SLC71A1: variants seen among roughly 807,000 people sequenced by gnomAD.
SLC71A1 encodes the protein solute carrier family 71 member 1.
At chr1:100,069,811 GA>G in the SLC71A1 span, 3 of 685,146 alleles carry the variant, frequency 4.4e-6, no homozygotes, top group South Asian at 5.1e-5. Flanking sequence ...GATAGGTTCA[GA>G]AATTCAATTT....
chr1:100,065,484 CCCCCT>C, the SLC71A1 span, among the ~76,000 whole-genome samples: 18 of 140,892 alleles, frequency 1.3e-4, no homozygotes, highest in Admixed American at 6.5e-4. Context: ...CCCTTCTCTT[CCCCCT>C]CCCCTCCCCT....
At chr1:100,051,850 G>A in the SLC71A1 span, among the ~76,000 whole-genome samples, 1 of 152,044 alleles carries the variant, frequency 6.6e-6, no homozygotes, top group Non-Finnish European at 1.5e-5. Flanking sequence ...ATTCAAAGTG[G>A]ACTATGTTAA....
the SLC71A1 span, among the ~76,000 whole-genome samples, chr1:100,060,965 G>T: frequency 1.2e-4 from 18 of 152,220 alleles, no homozygotes; most frequent in Non-Finnish European, 2.1e-4. Context: ...TATGGGGCAG[G>T]ATCTTCTTCT....
the SLC71A1 span, among the ~76,000 whole-genome samples, chr1:100,073,040 C>G: frequency 1.3e-5 from 2 of 152,242 alleles, no homozygotes; most frequent in South Asian, 4.2e-4. Flanking sequence ...TGCTCCTCAT[C>G]TCATTCAGTG....
At chr1:100,040,280 C>T in the SLC71A1 span, among the ~76,000 whole-genome samples, 65 of 151,856 alleles carry the variant, frequency 4.3e-4, 1 homozygote, top group Admixed American at 1.6e-3. Flanking sequence ...TATTCTTATA[C>T]GTAATCAGAG....
the SLC71A1 span, among the ~76,000 whole-genome samples, chr1:100,040,200 T>G: frequency 1.3e-5 from 2 of 152,206 alleles, no homozygotes; most frequent in Non-Finnish European, 2.9e-5. Flanking sequence ...GTATGTGAAT[T>G]TTAAAGTGAT....
chr1:100,069,646 G>A, the SLC71A1 span: 45 of 1,612,470 alleles, frequency 2.8e-5, no homozygotes, highest in African/African-American at 2.9e-4. Context: ...GTGTTGCAGC[G>A]TTTATAGCAG....
At chr1:100,038,335 C>T in the SLC71A1 span, 9 of 1,550,668 alleles carry the variant, frequency 5.8e-6, no homozygotes, top group Middle Eastern at 1.7e-4. Context: ...AGTTCCGCGC[C>T]GGCGAGCGTC....
chr1:100,060,425 C>G, the SLC71A1 span, among the ~76,000 whole-genome samples: 1 of 152,280 alleles, frequency 6.6e-6, no homozygotes, highest in Non-Finnish European at 1.5e-5. Flanking sequence ...TCAAATTTCT[C>G]TTTTCATGTG....
the SLC71A1 span, chr1:100,050,039 C>T: frequency 1.8e-6 from 2 of 1,081,708 alleles, no homozygotes; most frequent in Non-Finnish European, 2.8e-6. Context: ...ACACTGACTC[C>T]AAAATCTCTT....
the SLC71A1 span, among the ~76,000 whole-genome samples, chr1:100,046,469 G>A: frequency 5.9e-5 from 9 of 151,918 alleles, no homozygotes; most frequent in Admixed American, 1.3e-4. Flanking sequence ...CAGGTGATCC[G>A]CCCGCCTTGG....
At chr1:100,046,121 G>T in the SLC71A1 span, among the ~76,000 whole-genome samples, 1 of 143,108 alleles carries the variant, frequency 7.0e-6, no homozygotes, top group Non-Finnish European at 1.5e-5. Flanking sequence ...TATTGTCTAT[G>T]TATCTGTTTT....
At chr1:100,056,563 T>C in the SLC71A1 span, among the ~76,000 whole-genome samples, 1 of 152,082 alleles carries the variant, frequency 6.6e-6, no homozygotes, top group East Asian at 1.9e-4. Context: ...TGAGCCAAGA[T>C]TGCACCATCG....
chr1:100,043,071 A>G, the SLC71A1 span: 1 of 984,500 alleles, frequency 1.0e-6, no homozygotes, highest in Non-Finnish European at 1.2e-6. Flanking sequence ...TTTTTTTTTC[A>G]GATGGCTATA....
At chr1:100,045,281 T>G in the SLC71A1 span, among the ~76,000 whole-genome samples, 20 of 152,202 alleles carry the variant, frequency 1.3e-4, no homozygotes, top group African/African-American at 4.8e-4. Context: ...ATTGAGTTCT[T>G]GATTTGATTC....
chr1:100,072,338 C>T, the SLC71A1 span, among the ~76,000 whole-genome samples: 1 of 152,158 alleles, frequency 6.6e-6, no homozygotes, highest in Non-Finnish European at 1.5e-5. Flanking sequence ...TCTGCCTCCC[C>T]TTCCTCCACC....
At chr1:100,070,129 G>T in the SLC71A1 span, among the ~76,000 whole-genome samples, 1 of 152,170 alleles carries the variant, frequency 6.6e-6, no homozygotes, top group Non-Finnish European at 1.5e-5. Flanking sequence ...GATGTATTGA[G>T]AACTACAGAG....
the SLC71A1 span, among the ~76,000 whole-genome samples, chr1:100,051,498 T>C: frequency 6.6e-6 from 1 of 151,036 alleles, no homozygotes; most frequent in African/African-American, 2.4e-5. Flanking sequence ...CAGATAGAAA[T>C]CTTTAAAAAA....
the SLC71A1 span, among the ~76,000 whole-genome samples, chr1:100,076,339 A>C: frequency 1.3e-5 from 2 of 152,188 alleles, no homozygotes; most frequent in Admixed American, 1.3e-4. Flanking sequence ...GTATATTAAA[A>C]ACGTTAGTTA....
Sources: allele counts gnomAD v4.1 joint callset (sites outside exome capture counted in the v4.1 genomes callset), GRCh38; gene constraint gnomAD v4.1.1; transcripts MANE v1.5; gene names NCBI Gene and HGNC (gene_info 2026-07-23, HGNC 2026-07-21).